The following MYO5B variants were observed in gnomAD, a reference collection of about 807,000 sequenced individuals.
The protein encoded by MYO5B is myosin VB.
MYO5B carries 143 observed loss-of-function variants against 229.3 expected under a neutral mutation model. The ratio of observed to expected loss-of-function variants is 0.62; its 90% CI spans 0.54 to 0.72. The LOEUF (loss-of-function observed/expected upper bound fraction) is 0.72. MYO5B is among the 30% of genes least tolerant of loss of function. MYO5B has a pLI of 0.00. For synonymous variants in MYO5B, 918 were observed against 885.2 expected, an observed-to-expected ratio of 1.04 and a Z score of -0.66; for missense variants, 2,321 against 2,331.0, an observed-to-expected ratio of 1.00 and a Z score of 0.09.
intron 5 of MYO5B, among the ~76,000 whole-genome samples, chr18:49,997,003 G>A (rs2025994903): frequency 1.3e-5 from 2 of 152,124 alleles, no homozygotes; most frequent in Non-Finnish European, 2.9e-5. Flanking sequence ...ACTTAGCCAG[G>A]CACTGGTAAG....
At chr18:49,930,585 C>T (rs887998254) in intron 16 of MYO5B, among the ~76,000 whole-genome samples, 1 of 152,050 alleles carries the variant, frequency 6.6e-6, no homozygotes, top group African/African-American at 2.4e-5. Flanking sequence ...GGTTGTTAAA[C>T]ACAAATCATA....
intron 17 of MYO5B, among the ~76,000 whole-genome samples, chr18:49,916,384 C>T (rs1046383938): frequency 6.6e-5 from 10 of 152,180 alleles, no homozygotes; most frequent in African/African-American, 2.4e-4. Context: ...GGGCCAGTCC[C>T]AGCCTGGATG....
intron 10 of MYO5B, among the ~76,000 whole-genome samples, chr18:49,973,397 G>A (rs530923485): frequency 6.6e-6 from 1 of 152,244 alleles, no homozygotes; most frequent in Admixed American, 6.5e-5. Flanking sequence ...GTGAGTACCG[G>A]GTGAGTTCTA....
At chr18:50,102,930 T>TC (rs1399594326) in intron 1 of MYO5B, among the ~76,000 whole-genome samples, 1 of 152,106 alleles carries the variant, frequency 6.6e-6, no homozygotes, top group Non-Finnish European at 1.5e-5. Flanking sequence ...CTTTTTTTTT[T>TC]CTTCCCCAGG....
chr18:50,157,704 A>G (rs2032702630), intron 1 of MYO5B, among the ~76,000 whole-genome samples: 1 of 152,168 alleles, frequency 6.6e-6, no homozygotes, highest in Non-Finnish European at 1.5e-5. Flanking sequence ...TTAGTCTTGC[A>G]CCATCCTGTT....
intron 1 of MYO5B, among the ~76,000 whole-genome samples, chr18:50,170,255 T>C (rs2032905714): frequency 7.9e-6 from 1 of 127,044 alleles, no homozygotes; most frequent in African/African-American, 3.0e-5. Flanking sequence ...AGGATCTCTG[T>C]AGCACCGCAG....
intron 4 of MYO5B, among the ~76,000 whole-genome samples, chr18:50,033,222 T>C (rs1007076408): frequency 1.2e-4 from 18 of 152,136 alleles, no homozygotes; most frequent in Non-Finnish European, 2.5e-4. Flanking sequence ...CAAGGCAGTA[T>C]CTTGTGGTTT....
chr18:49,856,621 AC>A (rs1433642800), intron 30 of MYO5B, among the ~76,000 whole-genome samples, 191 bp downstream of exon 30: 2 of 152,142 alleles, frequency 1.3e-5, no homozygotes, highest in Admixed American at 1.3e-4. Flanking sequence ...GACCCAAACA[AC>A]CAGCCACCCT....
At chr18:50,149,899 T>C (rs1383180865) in intron 1 of MYO5B, among the ~76,000 whole-genome samples, 4 of 145,948 alleles carry the variant, frequency 2.7e-5, no homozygotes, top group African/African-American at 1.0e-4. Context: ...ACAGGCAACC[T>C]ACAAAATGGG....
At chr18:49,986,564 C>A (rs2025872830) in intron 7 of MYO5B, among the ~76,000 whole-genome samples, 1 of 152,240 alleles carries the variant, frequency 6.6e-6, no homozygotes, top group East Asian at 1.9e-4. Flanking sequence ...GCCCTGTGGT[C>A]ACTCACAGCC....
chr18:49,918,701 C>T (rs1207174286), intron 17 of MYO5B, among the ~76,000 whole-genome samples: 3 of 152,200 alleles, frequency 2.0e-5, no homozygotes, highest in Admixed American at 6.5e-5. Context: ...AATTGTTTGG[C>T]CATGCTGTGA....
At position 49,985,403 on chromosome 18, in the gene MYO5B, G is replaced by A. The variant is rs1006928485; in HGVS notation, c.839-578C>T. Among the ~76,000 whole-genome samples, 13 of 152,292 alleles carry A rather than the reference G, an allele frequency of 8.5e-5. No individual in the cohort carries two copies. The South Asian group carries it at 2.5e-3, about 29-fold the overall frequency. On this transcript the variant is annotated intron_variant, in intron 7 of 39. Coordinates refer to ENST00000285039, the MANE Select transcript of MYO5B (RefSeq NM_001080467.3). ...TTCTTCAGTCAGGCCTCTGGTAACA[G>A]CCTAGGGGACAGCTGGTAAGGAAGG...
At chr18:50,045,938 T>C (rs1354996123) in intron 2 of MYO5B, among the ~76,000 whole-genome samples, 1 of 152,208 alleles carries the variant, frequency 6.6e-6, no homozygotes, top group Admixed American at 6.5e-5. Context: ...TACCTCAATC[T>C]ATGTCTGTGT....
intron 1 of MYO5B, among the ~76,000 whole-genome samples, chr18:50,123,086 T>C (rs1045403156): frequency 2.0e-5 from 3 of 152,182 alleles, no homozygotes; most frequent in Non-Finnish European, 4.4e-5. Context: ...AGCTGCACAA[T>C]GGAGAAAATG....
chr18:49,992,157 A>G (rs972267098), intron 6 of MYO5B, 131 bp downstream of exon 6: 1 of 1,322,506 alleles, frequency 7.6e-7, no homozygotes, highest in African/African-American at 1.5e-5. Context: ...GATAAGAACC[A>G]AAAGAACAAC....
intron 2 of MYO5B, among the ~76,000 whole-genome samples, chr18:50,049,516 G>C (rs756612481): frequency 1.3e-5 from 2 of 152,240 alleles, no homozygotes; most frequent in African/African-American, 4.8e-5. Flanking sequence ...TCCTAACTTG[G>C]TGTACTCCAG....
intron 5 of MYO5B, among the ~76,000 whole-genome samples, chr18:49,993,709 CACCTCTTTCCTGA>C (rs1271229066): frequency 6.6e-6 from 1 of 152,148 alleles, no homozygotes; most frequent in Admixed American, 6.5e-5. Flanking sequence ...GCAACATTGT[CACCTCTTTCCTGA>C]ACAACTTCAA....
intron 1 of MYO5B, among the ~76,000 whole-genome samples, chr18:50,173,247 A>G (rs1347682957): frequency 6.6e-6 from 1 of 151,806 alleles, no homozygotes; most frequent in East Asian, 1.9e-4. Flanking sequence ...CCTGGGCAAC[A>G]GAGCAAGACT....
chr18:50,093,207 G>C (rs201278144), intron 1 of MYO5B, among the ~76,000 whole-genome samples: 1,424 of 119,558 alleles, frequency 0.012, 18 homozygotes, highest in African/African-American at 0.037. Flanking sequence ...CACACACACA[G>C]ACACACACAC....
Sources: gnomAD v4.1 joint callset for allele counts (sites outside exome capture counted in the v4.1 genomes callset) on GRCh38, gnomAD v4.1.1 for gene constraint, MANE v1.5 for transcripts, NCBI Gene and HGNC (gene_info 2026-07-23, HGNC 2026-07-21) for gene names.